The following LRRC63 variants were observed in gnomAD, a reference collection of about 807,000 sequenced individuals.
The protein encoded by LRRC63 is leucine-rich repeat-containing protein 63.
Under a neutral mutation model 49.5 loss-of-function variants are expected in LRRC63, and 40 were observed. The ratio of observed to expected loss-of-function variants is 0.81; its 90% CI spans 0.63 to 1.05. The LOEUF is 1.05. LRRC63 is among the 50% of genes least tolerant of loss of function. LRRC63 has a pLI of 0.00. For missense variants in LRRC63, 636 were observed against 663.1 expected (o/e 0.96, Z 0.45); for synonymous variants, 191 against 221.1 (o/e 0.86, Z 1.21).
chr13:46,273,463 G>A (rs559004660), intron 9 of LRRC63, among the ~76,000 whole-genome samples: 253 of 151,908 alleles, frequency 1.7e-3, no homozygotes, highest in Non-Finnish European at 2.9e-3. Flanking sequence ...TTAGCGGGGC[G>A]TGCTGGCGGG....
chr13:46,244,529 G>T (rs1337188660), intron 5 of LRRC63, among the ~76,000 whole-genome samples: 7 of 152,186 alleles, frequency 4.6e-5, no homozygotes, highest in Non-Finnish European at 8.8e-5. Flanking sequence ...AAGTGCTTTG[G>T]CAGGTCAAGG....
At chr13:46,218,928 C>T (rs1157968334) in intron 2 of LRRC63, among the ~76,000 whole-genome samples, 1 of 152,168 alleles carries the variant, frequency 6.6e-6, no homozygotes, top group Non-Finnish European at 1.5e-5. Flanking sequence ...TGAATATTGG[C>T]CCCCACTCTC....
intron 2 of LRRC63, among the ~76,000 whole-genome samples, chr13:46,219,620 C>T (rs921852234): frequency 1.3e-5 from 2 of 152,222 alleles, no homozygotes; most frequent in African/African-American, 2.4e-5. Flanking sequence ...CAAACTCATT[C>T]TCCATCCAGT....
intron 2 of LRRC63, among the ~76,000 whole-genome samples, chr13:46,216,042 A>G (rs1593993747): frequency 2.6e-5 from 4 of 152,278 alleles, no homozygotes; most frequent in African/African-American, 7.2e-5. Context: ...GTTTGAAGTC[A>G]GGTAGCGTGA....
At position 46,266,417 on chromosome 13, in the gene LRRC63, A is replaced by G. The variant is rs147519714; in HGVS notation, c.1311-316A>G. ...TATATTCTGTGTATCATACTATACC[A>G]TATTTTATGTAACATGACATTGATT... On this transcript the variant is annotated intron_variant, in intron 8 of 9. Transcript: ENST00000595396. Among the ~76,000 whole-genome samples the G allele has an allele frequency of 6.7e-3, 1,023 of 152,256 alleles. 10 individuals are homozygous for G. The highest frequency in any genetic ancestry group is 0.024 in the African/African-American group (980 of 41,554).
At chr13:46,227,987 T>C in exon 3 of LRRC63, 1 of 1,551,074 alleles carries the variant, frequency 6.4e-7, no homozygotes, top group Admixed American at 2.0e-5. Flanking sequence ...GTCCAGGCTA[T>C]ACTTATCAGC....
exon 3 of LRRC63, chr13:46,227,736 G>A: frequency 6.4e-7 from 1 of 1,550,458 alleles, no homozygotes; most frequent in Non-Finnish European, 8.7e-7. Context: ...TCCAGATACT[G>A]CTACTGGTTC....
intron 7 of LRRC63, among the ~76,000 whole-genome samples, chr13:46,252,414 A>G (rs934591214): frequency 1.3e-5 from 2 of 152,076 alleles, no homozygotes; most frequent in African/African-American, 4.8e-5. Flanking sequence ...CATTATTACC[A>G]TCACAAGCAA....
chr13:46,257,971 G>A (rs9595449), intron 7 of LRRC63, among the ~76,000 whole-genome samples: 10,924 of 151,850 alleles, frequency 0.072, 1,299 homozygotes, highest in African/African-American at 0.25. Flanking sequence ...TACTAAAAGT[G>A]TAATGGAGTA....
intron 9 of LRRC63, among the ~76,000 whole-genome samples, chr13:46,271,436 T>A (rs879936215): frequency 6.6e-6 from 1 of 152,146 alleles, no homozygotes; most frequent in Non-Finnish European, 1.5e-5. Flanking sequence ...GCAGATTGTA[T>A]CTTCTGCCCT....
chr13:46,256,767 G>T (rs1325812061), intron 7 of LRRC63, among the ~76,000 whole-genome samples: 1 of 152,178 alleles, frequency 6.6e-6, no homozygotes, highest in Non-Finnish European at 1.5e-5. Flanking sequence ...ATTTAGATGA[G>T]ATGTTGAACT....
At chr13:46,233,604 T>C (rs995239570) in intron 4 of LRRC63, among the ~76,000 whole-genome samples, 1 of 152,176 alleles carries the variant, frequency 6.6e-6, no homozygotes, top group African/African-American at 2.4e-5. Flanking sequence ...TAGGACATTT[T>C]TGATGGAAGG....
At chr13:46,227,620 T>C (rs1376806997) in exon 3 of LRRC63, 1 of 1,549,970 alleles carries the variant, frequency 6.5e-7, no homozygotes, top group Non-Finnish European at 8.7e-7. Context: ...AATCAATCAC[T>C]AACACCTATC....
At chr13:46,248,803 A>G (rs925196514) in intron 6 of LRRC63, among the ~76,000 whole-genome samples, 1 of 151,944 alleles carries the variant, frequency 6.6e-6, no homozygotes, top group African/African-American at 2.4e-5. Context: ...TATGGAATGT[A>G]TTAGGGTCTA....
At chr13:46,232,897 G>A (rs535276806) in intron 4 of LRRC63, among the ~76,000 whole-genome samples, 1 of 152,246 alleles carries the variant, frequency 6.6e-6, no homozygotes, top group South Asian at 2.1e-4. Flanking sequence ...TTTCACCACA[G>A]AACTGGTATT....
intron 2 of LRRC63, among the ~76,000 whole-genome samples, chr13:46,217,547 C>T (rs953177019): frequency 6.6e-6 from 1 of 151,984 alleles, no homozygotes; most frequent in African/African-American, 2.4e-5. Flanking sequence ...TTACTCTTTT[C>T]AAAAAACCAG....
intron 8 of LRRC63, among the ~76,000 whole-genome samples, chr13:46,262,332 T>C: frequency 6.6e-6 from 1 of 152,290 alleles, no homozygotes; most frequent in Middle Eastern, 3.4e-3. Flanking sequence ...AAAATATAAT[T>C]TTAATGCAAA....
At chr13:46,243,470 A>C (rs568963932) in intron 5 of LRRC63, among the ~76,000 whole-genome samples, 6 of 152,246 alleles carry the variant, frequency 3.9e-5, no homozygotes, top group Non-Finnish European at 8.8e-5. Flanking sequence ...GAATATAAGT[A>C]AATAAATAAA....
intron 7 of LRRC63, among the ~76,000 whole-genome samples, chr13:46,261,160 A>G (rs1848556856): frequency 6.6e-6 from 1 of 152,176 alleles, no homozygotes; most frequent in Non-Finnish European, 1.5e-5. Context: ...ACCTTTAAGT[A>G]CTTGTCTTGA....
Sources: gnomAD v4.1 joint callset for allele counts (sites outside exome capture counted in the v4.1 genomes callset) on GRCh38, gnomAD v4.1.1 for gene constraint, MANE v1.5 for transcripts, NCBI Gene and HGNC (gene_info 2026-07-23, HGNC 2026-07-21) for gene names.